The following HPSE2 variants were observed in gnomAD, a reference collection of about 807,000 sequenced individuals.
HPSE2 encodes the protein inactive heparanase-2.
In HPSE2, 38 loss-of-function variants were observed where a neutral mutation model predicts 60.5. The observed-to-expected ratio is 0.63, with a 90% confidence interval of 0.48 to 0.82. The LOEUF is 0.82. Ranked by LOEUF, HPSE2 falls within the 40% of genes least tolerant of loss-of-function variation. The probability of loss-of-function intolerance (pLI) is 0.00; values close to 1 mark genes in which losing one functional copy is unlikely to be tolerated. For missense variants in HPSE2, 713 were observed against 740.4 expected (o/e 0.96, Z 0.43); for synonymous variants, 295 against 293.2 (o/e 1.01, Z -0.06).
chr10:98,506,826 C>A (rs546549470), intron 9 of HPSE2, among the ~76,000 whole-genome samples: 40 of 152,204 alleles, frequency 2.6e-4, no homozygotes, highest in African/African-American at 8.9e-4. Context: ...CCCTACCTAC[C>A]CTTTTGATAT....
chr10:98,922,675 T>G (rs944372066), intron 3 of HPSE2, among the ~76,000 whole-genome samples: 2 of 152,146 alleles, frequency 1.3e-5, no homozygotes, highest in Non-Finnish European at 2.9e-5. Context: ...TCAGAATCCA[T>G]AAATACATGG....
At chr10:98,688,465 CTTTTTTTTTTTCTTTTT>C (rs1303914653) in intron 6 of HPSE2, among the ~76,000 whole-genome samples, 1 of 103,858 alleles carries the variant, frequency 9.6e-6, no homozygotes, top group Admixed American at 1.3e-4. Flanking sequence ...TTTAGCATTT[CTTTTTTTTTTTCTTTTT>C]TTTTTTTTTT....
At chr10:98,912,565 G>T (rs1236500881) in intron 3 of HPSE2, among the ~76,000 whole-genome samples, 1 of 152,116 alleles carries the variant, frequency 6.6e-6, no homozygotes, top group South Asian at 2.1e-4. Flanking sequence ...GCAGAAGAAT[G>T]GATAAAGAAA....
chr10:98,550,289 AT>A (rs71007399), intron 9 of HPSE2, among the ~76,000 whole-genome samples: 122,716 of 145,510 alleles, frequency 0.84, 52,588 homozygotes, highest in East Asian at 0.98. Context: ...AATGCTTAGC[AT>A]TTTTTTTTTT....
chr10:99,028,647 A>C (rs886532993), intron 3 of HPSE2, among the ~76,000 whole-genome samples: 3 of 152,336 alleles, frequency 2.0e-5, no homozygotes, highest in African/African-American at 7.2e-5. Context: ...TAAAATGTAT[A>C]TAGAACCACA....
chr10:99,315,174 G>A, the HPSE2 span, among the ~76,000 whole-genome samples: 2 of 152,152 alleles, frequency 1.3e-5, no homozygotes, highest in Admixed American at 1.3e-4. Flanking sequence ...CAGGCAGCAG[G>A]TCAAATACCC....
intron 3 of HPSE2, among the ~76,000 whole-genome samples, chr10:98,912,171 A>G (rs1418340751): frequency 2.0e-5 from 3 of 152,116 alleles, no homozygotes; most frequent in Non-Finnish European, 4.4e-5. Flanking sequence ...TTTTGGGAAA[A>G]ATGCAGAGAG....
intron 3 of HPSE2, among the ~76,000 whole-genome samples, chr10:99,099,026 C>T (rs758240611): frequency 2.6e-5 from 4 of 152,016 alleles, no homozygotes; most frequent in Non-Finnish European, 5.9e-5. Context: ...TCCAAGATGG[C>T]CAAATAGGAA....
intron 3 of HPSE2, among the ~76,000 whole-genome samples, chr10:99,086,542 C>T (rs1210255001): frequency 1.3e-5 from 2 of 150,692 alleles, no homozygotes; most frequent in South Asian, 2.1e-4. Context: ...TTAGTAGAGA[C>T]GGGGTTTCAC....
intron 2 of HPSE2, among the ~76,000 whole-genome samples, chr10:99,183,997 A>G (rs963526205): frequency 6.6e-6 from 1 of 152,136 alleles, no homozygotes; most frequent in Non-Finnish European, 1.5e-5. Flanking sequence ...CTTAAAAAAC[A>G]AAAAAACTGA....
chr10:99,218,979 T>A (rs1849224940), intron 2 of HPSE2, among the ~76,000 whole-genome samples: 1 of 152,204 alleles, frequency 6.6e-6, no homozygotes, highest in African/African-American at 2.4e-5. Context: ...CACTGAGAGA[T>A]AACCAAAGAT....
At chr10:99,059,226 G>A (rs1324644623) in intron 3 of HPSE2, among the ~76,000 whole-genome samples, 1 of 152,104 alleles carries the variant, frequency 6.6e-6, no homozygotes, top group African/African-American at 2.4e-5. Flanking sequence ...CATTATACAA[G>A]TTTCAGCTTT....
chr10:98,516,598 T>C (rs577362765), intron 9 of HPSE2, among the ~76,000 whole-genome samples: 1 of 152,214 alleles, frequency 6.6e-6, no homozygotes, highest in African/African-American at 2.4e-5. Flanking sequence ...CCATTTTTTT[T>C]CTGTCTCTGA....
intron 3 of HPSE2, among the ~76,000 whole-genome samples, chr10:99,131,149 T>A (rs551388893): frequency 6.6e-6 from 1 of 152,262 alleles, no homozygotes; most frequent in East Asian, 1.9e-4. Flanking sequence ...CCCTTTATGA[T>A]TAAAACACCC....
chr10:98,914,053 GC>G, intron 3 of HPSE2, among the ~76,000 whole-genome samples: 1 of 152,256 alleles, frequency 6.6e-6, no homozygotes, highest in Non-Finnish European at 1.5e-5. Flanking sequence ...GTTTGGCTGT[GC>G]CCCCACCCAA....
intron 3 of HPSE2, among the ~76,000 whole-genome samples, chr10:99,009,259 A>C (rs946678478): frequency 1.3e-5 from 2 of 151,458 alleles, no homozygotes; most frequent in African/African-American, 4.8e-5. Flanking sequence ...AAAAAAAAAA[A>C]AAAAAAAAAC....
Position 98,842,226 on chromosome 10 carries a change from C to G in HPSE2, c.611-98170G>C, listed in dbSNP as rs193271783. Reference sequence around the variant, plus strand: ...CTGTTATGAGCCAGATAAGGAGATACAGCAGTATATGTTGAAGTATATGTA... The same window carrying G: ...CTGTTATGAGCCAGATAAGGAGATAGAGCAGTATATGTTGAAGTATATGTA... On this transcript the variant is annotated intron_variant, in intron 3 of 11. Transcript: ENST00000370552. Among the ~76,000 whole-genome samples, 108 of 152,298 alleles carry G rather than the reference C, an allele frequency of 7.1e-4. 1 individual carries two copies. The highest frequency in any genetic ancestry group is 5.1e-4 in the Non-Finnish European group (35 of 68,028).
intron 3 of HPSE2, among the ~76,000 whole-genome samples, chr10:99,087,070 T>G: frequency 6.6e-6 from 1 of 152,232 alleles, no homozygotes; most frequent in East Asian, 1.9e-4. Context: ...TTTTAAAATC[T>G]TAGGGGTTAG....
intron 3 of HPSE2, among the ~76,000 whole-genome samples, chr10:99,105,895 ATTGTT>A (rs1422799677): frequency 2.0e-5 from 3 of 151,964 alleles, no homozygotes; most frequent in Non-Finnish European, 2.9e-5. Context: ...TCACTCTTAT[ATTGTT>A]TTAATACCTT....
Sources: gnomAD v4.1 joint callset for allele counts (sites outside exome capture counted in the v4.1 genomes callset) on GRCh38, gnomAD v4.1.1 for gene constraint, MANE v1.5 for transcripts, NCBI Gene and HGNC (gene_info 2026-07-23, HGNC 2026-07-21) for gene names.